The following BANK1 variants were observed in gnomAD, a reference collection of about 807,000 sequenced individuals.
The protein encoded by BANK1 is B cell scaffold protein with ankyrin repeats 1.
Under a neutral mutation model 94.5 loss-of-function variants are expected in BANK1, and 95 were observed. The observed-to-expected ratio is 1.00, with a 90% CI of 0.85 to 1.19. The LOEUF is 1.19. Ranked by LOEUF, BANK1 falls within the 50% of genes most tolerant of loss-of-function variation. BANK1 has a pLI of 0.00. For synonymous variants in BANK1, 334 were observed against 308.4 expected, an observed-to-expected ratio of 1.08 and a Z score of -0.87; for missense variants, 987 against 932.2, an observed-to-expected ratio of 1.06 and a Z score of -0.77.
intron 7 of BANK1, among the ~76,000 whole-genome samples, chr4:102,002,385 A>ATAG (rs1297726821): frequency 6.6e-6 from 1 of 152,140 alleles, no homozygotes; most frequent in Non-Finnish European, 1.5e-5. Context: ...AGAGGTAACA[A>ATAG]TAGTACCAAA....
chr4:102,066,525 G>A lies in BANK1; in HGVS notation c.2212+3387G>A, dbSNP rs1012614983. ...GCCCGCCTCGGCCTCCCAAAGTGCT[G>A]GGATTACAGGCGTGAGCCAATGCGA... On this transcript the variant is annotated intron_variant, in intron 13 of 16. Coordinates refer to ENST00000322953, the MANE Select transcript of BANK1 (RefSeq NM_017935.5). Among the ~76,000 whole-genome samples, 82 of 152,092 alleles carry A rather than the reference G, an allele frequency of 5.4e-4. 1 individual carries two copies. Among genetic ancestry groups the A allele is most frequent in the Non-Finnish European group, 1.6e-4 (11 of 68,016 alleles).
At chr4:102,018,135 T>C (rs1042939725) in intron 7 of BANK1, among the ~76,000 whole-genome samples, 1 of 152,200 alleles carries the variant, frequency 6.6e-6, no homozygotes, top group Non-Finnish European at 1.5e-5. Flanking sequence ...TTTTCTGTTA[T>C]TTATGGTTTT....
intron 12 of BANK1, chr4:102,062,400 A>G (rs1344325346): frequency 1.3e-5 from 2 of 152,250 alleles, no homozygotes; most frequent in African/African-American, 4.8e-5. Context: ...AATGGAAACA[A>G]TTAAATAGGA....
intron 3 of BANK1, 131 bp downstream of exon 3, chr4:101,855,320 C>A: frequency 1.3e-6 from 1 of 781,916 alleles, no homozygotes; most frequent in Non-Finnish European, 1.9e-6. Flanking sequence ...CTCAAGAGAT[C>A]CTCCTGCCTC....
At chr4:101,791,034 C>A in intron 1 of BANK1, 84 bp downstream of exon 1, 1 of 1,152,582 alleles carries the variant, frequency 8.7e-7, no homozygotes, top group Non-Finnish European at 1.2e-6. Context: ...CGTTAGACAA[C>A]TGCACTCGGG....
At chr4:101,810,181 A>C (rs892985188) in intron 1 of BANK1, among the ~76,000 whole-genome samples, 2 of 152,184 alleles carry the variant, frequency 1.3e-5, no homozygotes, top group Admixed American at 1.3e-4. Flanking sequence ...AAATGCAAGT[A>C]AATATATTGA....
At position 102,007,167 on chromosome 4, in the gene BANK1, TATAA is replaced by T. The variant is rs1309532818; in HGVS notation, c.1207-14345_1207-14342del. Among the ~76,000 whole-genome samples the T allele has an allele frequency of 2.9e-5, 3 of 102,042 alleles. 1 individual carries two copies. Among genetic ancestry groups the T allele is most frequent in the Non-Finnish European group, 6.0e-5 (3 of 49,772 alleles). 66.9% of individuals were successfully genotyped at this position (102,042 alleles called of 152,430 possible). On this transcript the variant is annotated intron_variant, in intron 7 of 16. Coordinates refer to ENST00000322953, the MANE Select transcript of BANK1 (RefSeq NM_017935.5). ...TATTTTATATATATATATATATATA[TATAA>T]AATCCCTAAAATAGAATGCCTGACA...
At chr4:102,025,675 GA>G (rs1454110885) in intron 9 of BANK1, among the ~76,000 whole-genome samples, 166 bp downstream of exon 9, 1 of 152,130 alleles carries the variant, frequency 6.6e-6, no homozygotes. Flanking sequence ...AATGAGGCAA[GA>G]GATACCTACC....
At chr4:101,839,869 A>T (rs1726964015) in intron 2 of BANK1, among the ~76,000 whole-genome samples, 1 of 150,110 alleles carries the variant, frequency 6.7e-6, no homozygotes, top group African/African-American at 2.4e-5. Flanking sequence ...ACTAAGACAA[A>T]GGAGATATAC....
chr4:102,007,622 A>G (rs1185673335), intron 7 of BANK1, among the ~76,000 whole-genome samples: 1 of 152,122 alleles, frequency 6.6e-6, no homozygotes, highest in Admixed American at 6.6e-5. Context: ...CCTTTTTAGT[A>G]CATCTATCAG....
chr4:101,976,779 A>T (rs1725148057), intron 7 of BANK1: 1 of 152,170 alleles, frequency 6.6e-6, no homozygotes, highest in Non-Finnish European at 1.5e-5. Context: ...AAAATAAATC[A>T]TCTGCAAACT....
intron 1 of BANK1, among the ~76,000 whole-genome samples, chr4:101,804,885 G>A (rs1725501188): frequency 1.3e-5 from 2 of 152,098 alleles, no homozygotes; most frequent in South Asian, 4.1e-4. Context: ...CTGCTCAGGG[G>A]TCATTGTCCC....
At chr4:101,937,855 A>G (rs922950304) in intron 7 of BANK1, among the ~76,000 whole-genome samples, 1 of 151,940 alleles carries the variant, frequency 6.6e-6, no homozygotes, top group Admixed American at 6.6e-5. Context: ...CCCATCAATG[A>G]TAGACTGGAT....
intron 7 of BANK1, among the ~76,000 whole-genome samples, chr4:101,983,655 A>G (rs1560666030): frequency 6.6e-6 from 1 of 152,072 alleles, no homozygotes; most frequent in Non-Finnish European, 1.5e-5. Context: ...TAACCATAAG[A>G]TTAAAAGAAA....
intron 7 of BANK1, among the ~76,000 whole-genome samples, chr4:101,986,082 A>G (rs556240256): frequency 6.6e-6 from 1 of 152,096 alleles, no homozygotes; most frequent in African/African-American, 2.4e-5. Context: ...CCTTGGAGAA[A>G]CTCAAAACTC....
intron 11 of BANK1, among the ~76,000 whole-genome samples, chr4:102,054,270 C>T (rs1728152988): frequency 6.6e-6 from 1 of 152,080 alleles, no homozygotes; most frequent in Admixed American, 6.5e-5. Flanking sequence ...CTTGTAATCA[C>T]CTTCTGTACT....
intron 6 of BANK1, among the ~76,000 whole-genome samples, chr4:101,904,033 A>G (rs73836636): frequency 7.7e-4 from 117 of 152,366 alleles, no homozygotes; most frequent in African/African-American, 2.7e-3. Context: ...CTTGCCCCAC[A>G]AACGTCTGGA....
intron 11 of BANK1, 50 bp from the exon 12 acceptor site, chr4:102,060,161 G>A (rs776121916): frequency 6.8e-7 from 1 of 1,462,866 alleles, no homozygotes; most frequent in South Asian, 1.5e-5. Context: ...TTTGTTCCCA[G>A]TTGTCTACAC....
At chr4:102,001,330 A>G (rs2850384) in intron 7 of BANK1, among the ~76,000 whole-genome samples, 123,892 of 152,160 alleles carry the variant, frequency 0.81, 50,952 homozygotes, top group Non-Finnish European at 0.88. Context: ...GGCTGGGCGC[A>G]GTGGCTCACG....
Sources: gnomAD v4.1 joint callset for allele counts (sites outside exome capture counted in the v4.1 genomes callset) on GRCh38, gnomAD v4.1.1 for gene constraint, MANE v1.5 for transcripts, NCBI Gene and HGNC (gene_info 2026-07-23, HGNC 2026-07-21) for gene names.